SEL1L3: variants seen among roughly 807,000 people sequenced by gnomAD.
SEL1L3 encodes SEL1L family member 3, also known as protein sel-1 homolog 3.
Under a neutral mutation model 142.8 loss-of-function variants are expected in SEL1L3, and 76 were observed. The ratio of observed to expected loss-of-function variants is 0.53; its 90% CI spans 0.44 to 0.64. The LOEUF is 0.64. Ranked by LOEUF, SEL1L3 falls within the 30% of genes least tolerant of loss-of-function variation. The pLI is 0.00. For synonymous variants in SEL1L3, 504 were observed against 519.6 expected (o/e 0.97, Z 0.41); for missense variants, 1,262 against 1,381.7 (o/e 0.91, Z 1.37).
chr4:25,726,779 T>G, the SEL1L3 span, among the ~76,000 whole-genome samples: 1 of 97,444 alleles, frequency 1.0e-5, no homozygotes, highest in South Asian at 2.8e-4. Flanking sequence ...ATAAGTACTA[T>G]TTTTTCGCCT....
At chr4:25,742,317 C>G in the SEL1L3 span, among the ~76,000 whole-genome samples, 6 of 152,038 alleles carry the variant, frequency 3.9e-5, no homozygotes, top group East Asian at 1.9e-4. Context: ...TCCCGAGTAT[C>G]TAGGACCACA....
chr4:25,746,058 C>T (rs1717252474), downstream of SEL1L3, among the ~76,000 whole-genome samples: 1 of 152,072 alleles, frequency 6.6e-6, no homozygotes, highest in African/African-American at 2.4e-5. Flanking sequence ...AATGTAATCC[C>T]CCATGTTGGA....
rs1713239774 is a variant in SEL1L3, at chr4:25,802,355, T to C, written c.1884A>G (p.Glu628=). ...TGTTGCTGTAGTAGGCATACGACAGTTCCCAGTCCAGGGGGTAGTTGTCAA... is the reference window on the plus strand; with the variant it reads ...TGTTGCTGTAGTAGGCATACGACAGCTCCCAGTCCAGGGGGTAGTTGTCAA... ...QGIDNYPLDW[E]LSYAYYSNIA... The change falls in exon 11 of 24, where the codon GAA becomes GAG. Residue 628 remains glutamate (E), a synonymous_variant. Transcript: ENST00000399878. 1 of 1,613,846 alleles carries C rather than the reference T, an allele frequency of 6.2e-7. No homozygotes were observed. The highest frequency in any genetic ancestry group is 1.1e-5 in the South Asian group (1 of 91,060).
At chr4:25,720,214 C>T in the SEL1L3 span, 5 of 152,044 alleles carry the variant, frequency 3.3e-5, no homozygotes, top group East Asian at 5.8e-4. Context: ...TTGAAGGGCT[C>T]ATGGCAGGGG....
chr4:25,840,563 T>C (rs1292258818), intron 2 of SEL1L3, among the ~76,000 whole-genome samples: 1 of 152,228 alleles, frequency 6.6e-6, no homozygotes, highest in Admixed American at 6.5e-5. Flanking sequence ...ACTGCCATGT[T>C]GCCCCAGAGT....
intron 1 of SEL1L3, chr4:25,861,725 C>T (rs1456438961): frequency 6.7e-6 from 1 of 149,476 alleles, no homozygotes; most frequent in Non-Finnish European, 1.5e-5. Context: ...TAATATATGG[C>T]GAGATAACCC....
At chr4:25,758,915 C>G in intron 21 of SEL1L3, 26 bp downstream of exon 21, 1 of 1,590,078 alleles carries the variant, frequency 6.3e-7, no homozygotes, top group Admixed American at 1.8e-5. Flanking sequence ...CCTCAGATTC[C>G]ACAGTTCTAG....
At chr4:25,863,377 C>T, upstream of SEL1L3, 1 of 674,728 alleles carries the variant, frequency 1.5e-6, no homozygotes, top group South Asian at 1.5e-5. Flanking sequence ...TCCTCCCTTT[C>T]CTCTTTCTCC....
chr4:25,836,492 C>T (rs1560345135), intron 2 of SEL1L3, among the ~76,000 whole-genome samples: 1 of 148,138 alleles, frequency 6.8e-6, no homozygotes, highest in East Asian at 2.0e-4. Flanking sequence ...ACTAAAAATA[C>T]AAAAAAAAAA....
intron 23 of SEL1L3, chr4:25,756,494 T>C (rs999283306): frequency 2.5e-4 from 247 of 984,078 alleles, no homozygotes; most frequent in Non-Finnish European, 2.8e-4. Flanking sequence ...TTTTTTCACT[T>C]AATATTTTTT....
intron 17 of SEL1L3, among the ~76,000 whole-genome samples, chr4:25,774,642 C>T (rs1209366296): frequency 3.3e-5 from 5 of 152,184 alleles, no homozygotes; most frequent in Non-Finnish European, 1.5e-5. Context: ...GGTGAATCAC[C>T]TGAGGTCAGG....
chr4:25,836,323 A>G (rs1560344998), intron 2 of SEL1L3, among the ~76,000 whole-genome samples: 1 of 152,340 alleles, frequency 6.6e-6, no homozygotes, highest in East Asian at 1.9e-4. Flanking sequence ...TAAAGAAAAG[A>G]GAATCCACTT....
In SEL1L3 at chr4:25,847,510, C is replaced by T; in HGVS notation, c.517G>A (p.Val173Ile). The T allele has an allele frequency of 6.2e-7, 1 of 1,613,914 alleles. No individual in the cohort carries two copies. Among genetic ancestry groups the T allele is most frequent in the Non-Finnish European group, 8.5e-7 (1 of 1,179,806 alleles). ...TATTTGTGAGTAATCCAGGCGCGTACTATCACTGCAGATACAGAGATGGAA... is the reference window on the plus strand; with the variant it reads ...TATTTGTGAGTAATCCAGGCGCGTATTATCACTGCAGATACAGAGATGGAA... ...RHSISVSAVI[V>I]RAWITHKYSG... The change falls in exon 2 of 24, where the codon GTA becomes ATA. Residue 173 changes from valine to isoleucine, a missense_variant. This residue lies in a region of SEL1L3 where 689 missense variants were observed against 692.8 expected (regional missense o/e 0.99). Transcript: ENST00000399878.
the SEL1L3 span, among the ~76,000 whole-genome samples, chr4:25,722,462 C>T: frequency 6.6e-6 from 1 of 152,020 alleles, no homozygotes; most frequent in Non-Finnish European, 1.5e-5. Context: ...GCCCACTGAT[C>T]CCAGAAGAAT....
At chr4:25,755,306 T>C (rs1246574738) in intron 23 of SEL1L3, among the ~76,000 whole-genome samples, 1 of 151,970 alleles carries the variant, frequency 6.6e-6, no homozygotes, top group African/African-American at 2.4e-5. Flanking sequence ...TCTCGCTATG[T>C]TGCCCAGGTT....
intron 23 of SEL1L3, chr4:25,757,007 C>A: frequency 8.8e-7 from 1 of 1,140,954 alleles, no homozygotes; most frequent in South Asian, 1.8e-5. Flanking sequence ...GTGGCCCACG[C>A]CTGTAATCCC....
chr4:25,726,200 GGC>G, the SEL1L3 span, among the ~76,000 whole-genome samples: 12 of 149,686 alleles, frequency 8.0e-5, no homozygotes, highest in Admixed American at 7.5e-4. Context: ...ATAGGGAAGG[GGC>G]AGAAGTTTCT....
At chr4:25,738,494 C>T in the SEL1L3 span, among the ~76,000 whole-genome samples, 1 of 152,286 alleles carries the variant, frequency 6.6e-6, no homozygotes, top group Non-Finnish European at 1.5e-5. Context: ...TAAAGAAACA[C>T]CAAGGCTTCT....
At chr4:25,723,712 C>G in the SEL1L3 span, among the ~76,000 whole-genome samples, 1 of 152,078 alleles carries the variant, frequency 6.6e-6, no homozygotes, top group African/African-American at 2.4e-5. Context: ...TATGGCATGC[C>G]CCTCATCACC....
Sources: allele counts gnomAD v4.1 joint callset (sites outside exome capture counted in the v4.1 genomes callset), GRCh38; gene constraint gnomAD v4.1.1; regional missense constraint gnomAD v4.1.1; transcripts MANE v1.5; gene names NCBI Gene and HGNC (gene_info 2026-07-23, HGNC 2026-07-21).